Variants in CARMIL1 observed in about 807,000 individuals in gnomAD.
CARMIL1 encodes the protein capping protein regulator and myosin 1 linker 1.
In CARMIL1, 90 loss-of-function variants were observed where a neutral mutation model predicts 177.1. The observed-to-expected ratio is 0.51, with a 90% CI of 0.43 to 0.61. The LOEUF is 0.61. Among genes scored for constraint, CARMIL1 ranks in the 20% least tolerant of loss-of-function variants. CARMIL1 has a pLI of 0.00. For synonymous variants in CARMIL1, 577 were observed against 606.2 expected (o/e 0.95, Z 0.71); for missense variants, 1,380 against 1,667.0 (o/e 0.83, Z 3.00).
rs116504262 is a variant in CARMIL1 at position 25,465,107 on chromosome 6, A to G, written c.615-766A>G. ...AAAAAAAAAAAGACCAAATGGTTGCAAAATGCTTGCTAAGCATTGGGAATC... is the reference window on the plus strand; with the variant it reads ...AAAAAAAAAAAGACCAAATGGTTGCGAAATGCTTGCTAAGCATTGGGAATC... On this transcript the variant is annotated intron_variant, in intron 8 of 36. Transcript: ENST00000329474. Among the ~76,000 whole-genome samples, 1,337 of 151,492 alleles carry G rather than the reference A, an allele frequency of 8.8e-3. 7 individuals carry two copies. The highest frequency in any genetic ancestry group is 0.029 in the South Asian group (141 of 4,782).
intron 2 of CARMIL1, among the ~76,000 whole-genome samples, chr6:25,391,930 C>T (rs1792857845): frequency 6.6e-6 from 1 of 152,162 alleles, no homozygotes; most frequent in Admixed American, 6.5e-5. Flanking sequence ...CATTCTTCTT[C>T]CAAACTGTGA....
intron 12 of CARMIL1, among the ~76,000 whole-genome samples, chr6:25,483,100 A>T (rs1250688108): frequency 6.6e-6 from 1 of 152,200 alleles, no homozygotes; most frequent in Admixed American, 6.5e-5. Context: ...TTACTTCAAG[A>T]TCACATATGT....
At chr6:25,306,833 A>T (rs1285501203) in intron 2 of CARMIL1, among the ~76,000 whole-genome samples, 3 of 148,390 alleles carry the variant, frequency 2.0e-5, no homozygotes, top group Non-Finnish European at 4.4e-5. Flanking sequence ...TTACTGGATC[A>T]TATGGCAGTT....
chr6:25,396,073 G>T (rs558787181), intron 2 of CARMIL1, among the ~76,000 whole-genome samples: 1 of 152,332 alleles, frequency 6.6e-6, no homozygotes, highest in Middle Eastern at 3.4e-3. Flanking sequence ...TTCAGGGTAT[G>T]CGGATTCCCT....
At chr6:25,280,036 G>C (rs1334814001) in intron 1 of CARMIL1, among the ~76,000 whole-genome samples, 1 of 152,200 alleles carries the variant, frequency 6.6e-6, no homozygotes, top group Non-Finnish European at 1.5e-5. Context: ...GAGAGGGAAG[G>C]CTTCGGGGAG....
intron 26 of CARMIL1, among the ~76,000 whole-genome samples, chr6:25,546,168 TC>T (rs1410422289): frequency 6.6e-6 from 1 of 152,160 alleles, no homozygotes; most frequent in Non-Finnish European, 1.5e-5. Context: ...GGAAAATATT[TC>T]CTTTAAAGTC....
intron 5 of CARMIL1, among the ~76,000 whole-genome samples, chr6:25,440,733 C>T (rs1797672155): frequency 6.6e-6 from 1 of 152,020 alleles, no homozygotes; most frequent in Admixed American, 6.6e-5. Context: ...AATATGTTTC[C>T]AGTAATGTCA....
At chr6:25,337,750 T>C (rs1007651250) in intron 2 of CARMIL1, among the ~76,000 whole-genome samples, 1 of 152,250 alleles carries the variant, frequency 6.6e-6, no homozygotes, top group African/African-American at 2.4e-5. Context: ...AATGAAGTAC[T>C]AGAAAATGTT....
intron 2 of CARMIL1, among the ~76,000 whole-genome samples, chr6:25,375,409 A>G (rs971633706): frequency 1.3e-5 from 2 of 151,932 alleles, no homozygotes; most frequent in African/African-American, 4.8e-5. Context: ...TTGTCTCACT[A>G]CTCTTAGAAT....
chr6:25,363,007 C>G (rs1436384548), intron 2 of CARMIL1, among the ~76,000 whole-genome samples: 1 of 152,130 alleles, frequency 6.6e-6, no homozygotes, highest in East Asian at 1.9e-4. Context: ...TGCACCCCAG[C>G]CTGGGTGACA....
At chr6:25,602,317 T>C (rs1582495083) in intron 33 of CARMIL1, among the ~76,000 whole-genome samples, 1 of 152,222 alleles carries the variant, frequency 6.6e-6, no homozygotes, top group Non-Finnish European at 1.5e-5. Flanking sequence ...ATGTCATTAG[T>C]GAGTCAGATG....
chr6:25,417,222 G>A (rs76945312), intron 2 of CARMIL1, among the ~76,000 whole-genome samples: 9 of 152,008 alleles, frequency 5.9e-5, no homozygotes, highest in East Asian at 1.9e-4. Flanking sequence ...CTTGTATTCC[G>A]CTCCCCAGAC....
At chr6:25,490,253 A>G (rs775108733) in intron 13 of CARMIL1, among the ~76,000 whole-genome samples, 2 of 152,210 alleles carry the variant, frequency 1.3e-5, no homozygotes, top group African/African-American at 2.4e-5. Context: ...TCATGGTGAT[A>G]AGAGCTCCCC....
intron 12 of CARMIL1, among the ~76,000 whole-genome samples, chr6:25,484,668 TAAG>T (rs1284412229): frequency 2.0e-5 from 3 of 152,220 alleles, no homozygotes; most frequent in South Asian, 2.1e-4. Context: ...AAAGTATAAA[TAAG>T]AAGGCAAACC....
At chr6:25,548,036 A>G (rs1168490985) in intron 26 of CARMIL1, among the ~76,000 whole-genome samples, 1 of 152,202 alleles carries the variant, frequency 6.6e-6, no homozygotes, top group Non-Finnish European at 1.5e-5. Flanking sequence ...TGTGCAAAGC[A>G]TGGAAACAGA....
chr6:25,434,586 C>T (rs550224825), intron 4 of CARMIL1, among the ~76,000 whole-genome samples: 36 of 146,586 alleles, frequency 2.5e-4, no homozygotes, highest in African/African-American at 7.4e-4. Context: ...TGCAGTGGCA[C>T]GATCTCGGCT....
chr6:25,316,073 C>T (rs1784248168), intron 2 of CARMIL1, among the ~76,000 whole-genome samples: 1 of 152,156 alleles, frequency 6.6e-6, no homozygotes, highest in African/African-American at 2.4e-5. Context: ...TTAGTAATGA[C>T]GTTGGTGCTG....
intron 8 of CARMIL1, among the ~76,000 whole-genome samples, chr6:25,463,804 G>A (rs1368716382): frequency 1.3e-5 from 2 of 148,634 alleles, no homozygotes; most frequent in Non-Finnish European, 3.0e-5. Context: ...AATAACTATT[G>A]AAAGAGTTGT....
At chr6:25,415,850 C>T (rs936454506) in intron 2 of CARMIL1, among the ~76,000 whole-genome samples, 5 of 151,880 alleles carry the variant, frequency 3.3e-5, no homozygotes, top group Non-Finnish European at 7.4e-5. Context: ...AAGTGATTCT[C>T]ATGGAGAAGG....
Sources: allele counts gnomAD v4.1 joint callset (sites outside exome capture counted in the v4.1 genomes callset), GRCh38; gene constraint gnomAD v4.1.1; transcripts MANE v1.5; gene names NCBI Gene and HGNC (gene_info 2026-07-23, HGNC 2026-07-21).